The following CLTRN variants were observed in gnomAD, a reference collection of about 807,000 sequenced individuals.
CLTRN encodes the protein collectrin.
CLTRN carries 12 observed loss-of-function variants against 14.5 expected under a neutral mutation model. The ratio of observed to expected loss-of-function variants is 0.83; its 90% CI spans 0.53 to 1.34. The LOEUF (loss-of-function observed/expected upper bound fraction) is 1.34, where lower values mean the gene tolerates loss of function less well. Among genes scored for constraint, CLTRN ranks in the 40% most tolerant of loss-of-function variants. The pLI, the probability that CLTRN is intolerant of heterozygous loss-of-function variation, is 0.00. For synonymous variants in CLTRN, 58 were observed against 56.5 expected, an observed-to-expected ratio of 1.03 and a Z score of -0.12; for missense variants, 154 against 165.1, an observed-to-expected ratio of 0.93 and a Z score of 0.37.
At chrX:15,674,950 A>G (rs982512704) in intron 1 of CLTRN, 1 of 113,570 alleles carries the variant, frequency 8.8e-6, no homozygotes, top group Non-Finnish European at 1.9e-5. Flanking sequence ...CTGGCCAGAA[A>G]AGAGAGGTGT....
chrX:15,658,627 T>C (rs967366642), intron 3 of CLTRN, among the ~76,000 whole-genome samples: 2 of 110,758 alleles, frequency 1.8e-5, no homozygotes, highest in Non-Finnish European at 3.8e-5. Context: ...CTATGATAAA[T>C]ACCAAGAGTG....
At chrX:15,675,185 G>A (rs1929810973), upstream of CLTRN, among the ~76,000 whole-genome samples, 1 of 112,494 alleles carries the variant, frequency 8.9e-6, no homozygotes, top group African/African-American at 3.2e-5. Context: ...TAGTCGCAAG[G>A]GTGTAAAAAA....
upstream of CLTRN, among the ~76,000 whole-genome samples, chrX:15,668,640 GT>G (rs775017878): frequency 1.8e-5 from 2 of 110,714 alleles, no homozygotes; most frequent in African/African-American, 3.3e-5. Context: ...TTCTTGAAGC[GT>G]TTTTTTTCCT....
intron 3 of CLTRN, among the ~76,000 whole-genome samples, chrX:15,652,000 A>G (rs1262407902): frequency 1.8e-5 from 2 of 112,558 alleles, no homozygotes; most frequent in Non-Finnish European, 3.8e-5. Context: ...GAAAGTAGCC[A>G]AGAAGAACTG....
At chrX:15,661,567 C>T (rs1929507912) in intron 2 of CLTRN, among the ~76,000 whole-genome samples, 1 of 111,973 alleles carries the variant, frequency 8.9e-6, no homozygotes, top group Non-Finnish European at 1.9e-5. Context: ...AGAGAGCCTC[C>T]GCTTATAAAA....
At chrX:15,651,044 A>T (rs1929201477) in intron 3 of CLTRN, among the ~76,000 whole-genome samples, 1 of 111,251 alleles carries the variant, frequency 9.0e-6, no homozygotes, top group South Asian at 3.8e-4. Flanking sequence ...AACTGCTTCT[A>T]CTCTGGCCAT....
chrX:15,668,468 G>T (rs1929661534), upstream of CLTRN, among the ~76,000 whole-genome samples: 1 of 112,474 alleles, frequency 8.9e-6, no homozygotes, highest in Admixed American at 9.4e-5. Context: ...ACCATTTGGT[G>T]TATTACATTA....
intron 4 of CLTRN, among the ~76,000 whole-genome samples, chrX:15,641,675 T>G (rs1928947251): frequency 1.8e-5 from 2 of 109,269 alleles, no homozygotes; most frequent in Non-Finnish European, 3.8e-5. Flanking sequence ...TGTGTGTGTG[T>G]GTAAACAGGG....
chrX:15,669,585 G>C (rs751426651), upstream of CLTRN, among the ~76,000 whole-genome samples: 109 of 111,734 alleles, frequency 9.8e-4, no homozygotes, highest in Non-Finnish European at 8.8e-4. Flanking sequence ...CATAACTATG[G>C]ATCTACTGCT....
At chrX:15,651,088 G>A (rs1929202199) in intron 3 of CLTRN, among the ~76,000 whole-genome samples, 1 of 111,492 alleles carries the variant, frequency 9.0e-6, no homozygotes, top group Non-Finnish European at 1.9e-5. Flanking sequence ...GCATCCTCCT[G>A]TGGGACTGAG....
At chrX:15,646,440 TG>T in intron 3 of CLTRN, 1 of 323,744 alleles carries the variant, frequency 3.1e-6, no homozygotes. Flanking sequence ...GGGCTGGCTC[TG>T]GGCCAGAAAA....
At chrX:15,655,471 C>T (rs1929332727) in intron 3 of CLTRN, among the ~76,000 whole-genome samples, 1 of 112,160 alleles carries the variant, frequency 8.9e-6, no homozygotes, top group African/African-American at 3.2e-5. Context: ...CCGGGGTGTA[C>T]ACCTCCAGCC....
At position 15,659,059 on chromosome X, in the gene CLTRN, C is replaced by T. The variant is rs1388169564; in HGVS notation, c.160G>A (p.Val54Ile). Residue 54 changes from valine (V) to isoleucine (I), a missense_variant, in exon 3 of 6, where the codon GTA becomes ATA. Val to Ile is a conservative substitution (Grantham distance 29, BLOSUM62 3). Coordinates refer to ENST00000380342, the MANE Select transcript of CLTRN (RefSeq NM_020665.6). Reference protein sequence around the residue: ...TNEEYLFKAMVAFSMRKVPNR... With the variant: ...TNEEYLFKAMIAFSMRKVPNR... ...GGAACTTTTCTCATGGAGAAAGCTA[C>T]CATCGCTTTGAAGAGGTATTCTTCA... The T allele has an allele frequency of 8.5e-7, 1 of 1,183,375 alleles. No individual in the cohort carries two copies. Among genetic ancestry groups the T allele is most frequent in the Non-Finnish European group, 1.1e-6 (1 of 875,872 alleles).
At chrX:15,666,747 A>G (rs1929629221), upstream of CLTRN, among the ~76,000 whole-genome samples, 1 of 111,786 alleles carries the variant, frequency 8.9e-6, no homozygotes, top group African/African-American at 3.3e-5. Context: ...TCACTGTATT[A>G]GGTGCAGTGG....
intron 3 of CLTRN, among the ~76,000 whole-genome samples, chrX:15,647,043 C>T (rs988499878): frequency 3.5e-5 from 4 of 112,735 alleles, no homozygotes; most frequent in South Asian, 7.3e-4. Flanking sequence ...GCCGCAGGAG[C>T]GCTAGGCCTG....
At chrX:15,661,259 T>A (rs941666663) in intron 2 of CLTRN, among the ~76,000 whole-genome samples, 8 of 112,143 alleles carry the variant, frequency 7.1e-5, no homozygotes, top group Middle Eastern at 9.2e-3. Context: ...GTTAGCCAGC[T>A]CTCCCTGGGA....
chrX:15,635,229 T>C (rs1270447499), intron 5 of CLTRN, among the ~76,000 whole-genome samples: 3 of 111,561 alleles, frequency 2.7e-5, no homozygotes, highest in African/African-American at 9.8e-5. Flanking sequence ...TCAGCCTTGA[T>C]GGGAAACTGG....
At chrX:15,662,312 C>T (rs775871006) in intron 2 of CLTRN, among the ~76,000 whole-genome samples, 2 of 110,965 alleles carry the variant, frequency 1.8e-5, no homozygotes, top group African/African-American at 6.6e-5. Context: ...ACAACACTTC[C>T]TCCATAGACA....
intron 4 of CLTRN, among the ~76,000 whole-genome samples, chrX:15,644,221 C>T (rs1262089611): frequency 8.9e-6 from 1 of 111,986 alleles, no homozygotes; most frequent in Non-Finnish European, 1.9e-5. Flanking sequence ...CCTTTCTAGG[C>T]AATTTCCATC....
Sources: allele counts gnomAD v4.1 joint callset (sites outside exome capture counted in the v4.1 genomes callset), GRCh38; gene constraint gnomAD v4.1.1; transcripts MANE v1.5; gene names NCBI Gene and HGNC (gene_info 2026-07-23, HGNC 2026-07-21).